Variants in NAV1 observed in about 807,000 individuals in gnomAD.
NAV1 encodes the protein neuron navigator 1.
Under a neutral mutation model 175.2 loss-of-function variants are expected in NAV1, and 18 were observed. That is an observed-to-expected ratio of 0.10 (90% CI 0.07 to 0.15). The LOEUF is 0.15. Ranked by LOEUF, NAV1 falls within the 10% of genes least tolerant of loss-of-function variation. NAV1 has a pLI of 1.00. For synonymous variants in NAV1, 897 were observed against 978.7 expected, an observed-to-expected ratio of 0.92 and a Z score of 1.56; for missense variants, 1,731 against 2,436.6, an observed-to-expected ratio of 0.71 and a Z score of 6.10.
intron 1 of NAV1, among the ~76,000 whole-genome samples, chr1:201,659,426 G>C (rs1436991294): frequency 6.6e-6 from 1 of 152,144 alleles, no homozygotes; most frequent in Admixed American, 6.5e-5. Flanking sequence ...GACCAGTGTG[G>C]GCAACAAAGC....
chr1:201,776,458 G>A (rs945627920), intron 3 of NAV1, among the ~76,000 whole-genome samples: 1 of 151,610 alleles, frequency 6.6e-6, no homozygotes, highest in Non-Finnish European at 1.5e-5. Flanking sequence ...TGGCTAACAC[G>A]GTGAAACCCC....
chr1:201,602,653 T>TGG (rs1558014218), intron 2 of NAV1, among the ~76,000 whole-genome samples: 11 of 125,926 alleles, frequency 8.7e-5, no homozygotes, highest in African/African-American at 3.0e-4. Flanking sequence ...TTTTTTTGGT[T>TGG]TTTTTTTTTT....
chr1:201,587,461 G>A (rs1241506933), intron 1 of NAV1, among the ~76,000 whole-genome samples: 1 of 151,944 alleles, frequency 6.6e-6, no homozygotes, highest in Non-Finnish European at 1.5e-5. Context: ...CAAGGGGGGT[G>A]GGTTGTTTGA....
intron 1 of NAV1, among the ~76,000 whole-genome samples, chr1:201,581,253 T>C (rs660809): frequency 0.058 from 8,801 of 152,050 alleles, 598 homozygotes; most frequent in East Asian, 0.16. Flanking sequence ...GTGGTGGAGA[T>C]GGGTTGCAGG....
intron 1 of NAV1, among the ~76,000 whole-genome samples, chr1:201,686,833 C>T (rs1431956737): frequency 1.3e-5 from 2 of 152,238 alleles, no homozygotes; most frequent in Admixed American, 1.3e-4. Flanking sequence ...AGACTGCACT[C>T]ACCTTCCCCC....
intron 2 of NAV1, among the ~76,000 whole-genome samples, chr1:201,609,121 C>A (rs1400508173): frequency 1.3e-5 from 2 of 152,234 alleles, no homozygotes; most frequent in African/African-American, 4.8e-5. Flanking sequence ...GTCCAGTGTT[C>A]TGACTCCTGG....
At chr1:201,670,848 G>A (rs921008405) in intron 1 of NAV1, among the ~76,000 whole-genome samples, 9 of 151,838 alleles carry the variant, frequency 5.9e-5, no homozygotes, top group Admixed American at 2.0e-4. Flanking sequence ...GGTAATGGTG[G>A]TAGAGATGCT....
intron 1 of NAV1, among the ~76,000 whole-genome samples, chr1:201,690,859 C>T (rs1670900255): frequency 6.6e-6 from 1 of 152,208 alleles, no homozygotes; most frequent in South Asian, 2.1e-4. Context: ...GGCTCTCTTC[C>T]CCAGGAAAAT....
At chr1:201,669,988 T>A (rs1425418954) in intron 1 of NAV1, among the ~76,000 whole-genome samples, 1 of 152,184 alleles carries the variant, frequency 6.6e-6, no homozygotes, top group African/African-American at 2.4e-5. Flanking sequence ...TTTACTTTTT[T>A]AAAAAATAAA....
chr1:201,645,281 C>T (rs1427206691), upstream of NAV1, among the ~76,000 whole-genome samples: 2 of 151,392 alleles, frequency 1.3e-5, no homozygotes, highest in African/African-American at 4.9e-5. Context: ...AACCATCATT[C>T]TCAGCAAACT....
chr1:201,643,299 CTCTT>C (rs375553037), upstream of NAV1, among the ~76,000 whole-genome samples: 234 of 146,808 alleles, frequency 1.6e-3, 1 homozygote, highest in African/African-American at 5.5e-3. Flanking sequence ...TCCCTTCCTT[CTCTT>C]TCTTTTTCTT....
Position 201,807,813 on chromosome 1 carries a change from G to A in NAV1, c.3649-140G>A. ...CTTCTGTCCGTATTCTATGAATCAA[G>A]TGAAGTGTTATAGAGGGTGGCTTAA... On this transcript the variant is annotated intron_variant, in intron 17 of 29. Coordinates refer to ENST00000367296, the Ensembl canonical transcript of NAV1. This position sits in a 1 kb window ranked among gnomAD's most constrained non-coding sequence, Gnocchi z 5.4. 1.3e-6 allele frequency: 1 copy of A among 776,166 alleles called. No homozygotes were observed. The highest frequency in any genetic ancestry group is 2.2e-6 in the Non-Finnish European group (1 of 463,508). The allele number at this position is 776,166 out of a possible 1,614,324, so 48.1% of individuals were successfully genotyped here. A position where few individuals can be genotyped will look rare whatever the true frequency, so the allele number is the denominator to read the frequency against.
chr1:201,614,777 T>G (rs1667955586), intron 2 of NAV1, among the ~76,000 whole-genome samples: 1 of 152,170 alleles, frequency 6.6e-6, no homozygotes, highest in South Asian at 2.1e-4. Context: ...CTAGACTGTT[T>G]GGATCTAATC....
chr1:201,661,641 C>A (rs1371375227), intron 1 of NAV1, among the ~76,000 whole-genome samples: 1 of 152,136 alleles, frequency 6.6e-6, no homozygotes, highest in Non-Finnish European at 1.5e-5. Context: ...GCTCCCAGAT[C>A]TGGGAGACTG....
intron 1 of NAV1, among the ~76,000 whole-genome samples, chr1:201,678,226 G>A (rs1436277848): frequency 1.3e-5 from 2 of 152,226 alleles, no homozygotes; most frequent in East Asian, 3.8e-4. Context: ...CAGTGAGTTT[G>A]TGGAAATACT....
Position 201,587,079 on chromosome 1 carries a change from T to A in NAV1, c.-143-1460T>A, listed in dbSNP as rs1388276914. Among the ~76,000 whole-genome samples, 4 of 151,878 alleles carry A rather than the reference T, an allele frequency of 2.6e-5. No homozygotes were observed. In the South Asian group the frequency reaches 8.3e-4, roughly 32 times the overall value. On this transcript the variant is annotated intron_variant, in intron 1 of 33. Coordinates refer to the NAV1 transcript ENST00000685211. ...TACAAAAATTAGCCAGGCGTGGTGG[T>A]GCGCACCTGTAGTCCCAGCTACACA...
At position 201,819,824 on chromosome 1, in the gene NAV1, T is replaced by G. The variant is rs1679285065; in HGVS notation, c.5539-13T>G. On this transcript the variant is annotated splice_polypyrimidine_tract_variant and intron_variant, in intron 29 of 29. Transcript: ENST00000367296. ...CCCAACTCTCATAAATCCATCTTTT[T>G]GCCCCCCTTTAGATGGCCATGCTGC... 6.2e-7 allele frequency: 1 copy of G among 1,612,942 alleles called. No homozygotes were observed. The highest frequency in any genetic ancestry group is 1.3e-5 in the African/African-American group (1 of 74,894).
intron 1 of NAV1, among the ~76,000 whole-genome samples, chr1:201,707,517 C>A (rs1671720254): frequency 6.6e-6 from 1 of 152,178 alleles, no homozygotes; most frequent in Non-Finnish European, 1.5e-5. Context: ...AGTACCAGGA[C>A]CTGAAGCACA....
chr1:201,604,464 T>C (rs903791246), intron 2 of NAV1, among the ~76,000 whole-genome samples: 1 of 152,058 alleles, frequency 6.6e-6, no homozygotes, highest in Non-Finnish European at 1.5e-5. Context: ...AGTAGATCAT[T>C]TGAAGTCAGG....
Sources: gnomAD v4.1 joint callset for allele counts (sites outside exome capture counted in the v4.1 genomes callset) on GRCh38, gnomAD v4.1.1 for gene constraint, Gnocchi (gnomAD v3.1) non-coding constraint, MANE v1.5 for transcripts, NCBI Gene and HGNC (gene_info 2026-07-23, HGNC 2026-07-21) for gene names.